Variants in SEPTIN11 observed in about 807,000 individuals in gnomAD.
SEPTIN11 encodes the protein septin 11, also known as septin-11.
SEPTIN11 carries 25 observed loss-of-function variants against 51.4 expected under a neutral mutation model. That is an observed-to-expected ratio of 0.49 (90% CI 0.35 to 0.68). The LOEUF (loss-of-function observed/expected upper bound fraction) is 0.68. Among genes scored for constraint, SEPTIN11 ranks in the 30% least tolerant of loss-of-function variants. The pLI is 0.00. For synonymous variants in SEPTIN11, 174 were observed against 184.1 expected, an observed-to-expected ratio of 0.95 and a Z score of 0.44; for missense variants, 381 against 520.8, an observed-to-expected ratio of 0.73 and a Z score of 2.61.
intron 1 of SEPTIN11, among the ~76,000 whole-genome samples, chr4:76,953,758 C>T (rs970799914): frequency 2.0e-5 from 3 of 152,220 alleles, no homozygotes; most frequent in African/African-American, 7.2e-5. Context: ...AATAATCTCT[C>T]CTTTTAAAAT....
intron 1 of SEPTIN11, among the ~76,000 whole-genome samples, chr4:76,957,122 A>G (rs1721598135): frequency 6.6e-6 from 1 of 152,032 alleles, no homozygotes; most frequent in Non-Finnish European, 1.5e-5. Flanking sequence ...CAAGTAAGTC[A>G]TGGGTGGTAA....
chr4:76,995,861 C>A (rs1460874056), intron 1 of SEPTIN11: 1 of 1,535,570 alleles, frequency 6.5e-7, no homozygotes, highest in East Asian at 2.4e-5. Flanking sequence ...GGGAAGAAGA[C>A]TCAAGAAACC....
intron 3 of SEPTIN11, among the ~76,000 whole-genome samples, chr4:77,010,383 T>C (rs1180698900): frequency 1.3e-5 from 2 of 152,130 alleles, no homozygotes; most frequent in African/African-American, 4.8e-5. Flanking sequence ...AAGAATCTTA[T>C]TGCTCATTCA....
chr4:77,036,039 G>GC lies in SEPTIN11; in HGVS notation c.*1528dup. On this transcript the variant is annotated 3_prime_UTR_variant, in exon 10 of 10. Coordinates refer to ENST00000264893, the MANE Select transcript of SEPTIN11 (RefSeq NM_018243.4). ...GACACACACTTTCTTTTTTGAATGA[G>GC]CAAGTCTCCATTTTGATTTCAGCAA... The GC allele has an allele frequency of 1.0e-6, 1 of 985,878 alleles. No homozygotes were observed. Among genetic ancestry groups the GC allele is most frequent in the Non-Finnish European group, 1.2e-6 (1 of 829,972 alleles). 61.1% of individuals were successfully genotyped at this position (985,878 alleles called of 1,614,324 possible).
intron 2 of SEPTIN11, among the ~76,000 whole-genome samples, chr4:77,000,646 T>C (rs1287636483): frequency 6.6e-6 from 1 of 152,178 alleles, no homozygotes; most frequent in Non-Finnish European, 1.5e-5. Context: ...AAAAACAAAA[T>C]GATTGCTCCA....
In SEPTIN11 at chr4:77,024,290, A is replaced by G. The variant is rs538290021; in HGVS notation, c.953+3620A>G. 9.2e-5 allele frequency among the ~76,000 whole-genome samples: 14 copies of G among 152,122 alleles called. No homozygotes were observed. The highest frequency in any genetic ancestry group is 7.4e-5 in the Non-Finnish European group (5 of 67,988). Reference sequence around the variant, plus strand: ...TTTATTGTCTTGTGGCAGAATATGTATATAACCAGACATTCATCTGCTCTT... The same window carrying G: ...TTTATTGTCTTGTGGCAGAATATGTGTATAACCAGACATTCATCTGCTCTT... On this transcript the variant is annotated intron_variant, in intron 7 of 9. Transcript: ENST00000264893. The surrounding 1 kb of genome is among the most constrained non-coding windows in gnomAD (Gnocchi z 4.2).
chr4:77,006,770 CAT>C (rs1298635664), intron 3 of SEPTIN11, among the ~76,000 whole-genome samples: 3 of 152,086 alleles, frequency 2.0e-5, no homozygotes, highest in Admixed American at 2.0e-4. Context: ...ATATTATACA[CAT>C]GTGTTTTGTA....
At chr4:76,990,450 C>G (rs1203837042) in intron 1 of SEPTIN11, among the ~76,000 whole-genome samples, 1 of 152,170 alleles carries the variant, frequency 6.6e-6, no homozygotes, top group Non-Finnish European at 1.5e-5. Flanking sequence ...CCAACTGAGA[C>G]CAGTCCGTGG....
intron 3 of SEPTIN11, among the ~76,000 whole-genome samples, chr4:77,008,083 TAGA>T (rs1724614821): frequency 6.6e-6 from 1 of 152,240 alleles, no homozygotes; most frequent in Admixed American, 6.5e-5. Context: ...CCAGGCTAGC[TAGA>T]AGGAGGCAGG....
chr4:77,039,103 A>G (rs765630549), downstream of SEPTIN11: 27 of 1,289,294 alleles, frequency 2.1e-5, no homozygotes, highest in South Asian at 3.3e-4. Context: ...CCTGTTGACA[A>G]GCCCTACTCT....
chr4:77,028,170 T>C (rs1365850326), intron 7 of SEPTIN11, among the ~76,000 whole-genome samples: 2 of 152,166 alleles, frequency 1.3e-5, no homozygotes, highest in African/African-American at 2.4e-5. Context: ...TGTCACTGTA[T>C]CCACGTCTTA....
chr4:77,020,743 G>A (rs1725662667), intron 7 of SEPTIN11, 73 bp downstream of exon 7: 13 of 1,410,988 alleles, frequency 9.2e-6, no homozygotes, highest in Admixed American at 2.0e-5. Context: ...TCACAGAAAT[G>A]CTTGCTGGAT....
chr4:76,955,397 G>A (rs1247680452), intron 1 of SEPTIN11, among the ~76,000 whole-genome samples: 3 of 152,166 alleles, frequency 2.0e-5, no homozygotes, highest in Admixed American at 1.3e-4. Flanking sequence ...AACAGCATGT[G>A]CCAAGCTCTG....
chr4:77,030,994 A>G (rs1726585517), intron 9 of SEPTIN11, 24 bp downstream of exon 9: 2 of 1,578,380 alleles, frequency 1.3e-6, no homozygotes, highest in East Asian at 2.2e-5. Flanking sequence ...ACCCCCCTGT[A>G]TCGGGGACCT....
chr4:76,995,336 C>T (rs1360171495), intron 1 of SEPTIN11, among the ~76,000 whole-genome samples: 1 of 151,884 alleles, frequency 6.6e-6, no homozygotes. Flanking sequence ...GAGCTGAGAT[C>T]GTGCCACTAC....
In SEPTIN11 at chr4:77,014,786, C is replaced by T. The variant is rs141833000; in HGVS notation, c.526-70C>T. On this transcript the variant is annotated intron_variant, in intron 4 of 9. Transcript: ENST00000264893. Reference sequence around the variant, plus strand: ...AGGTTTTGCAATTTTTATTTGTTTGCTATGTTTTATTCACTTGTCTATTTT... The same window carrying T: ...AGGTTTTGCAATTTTTATTTGTTTGTTATGTTTTATTCACTTGTCTATTTT... The T allele has an allele frequency of 5.0e-4, 737 of 1,478,196 alleles. 6 individuals are homozygous for T. The African/African-American group carries it at 9.2e-3, about 18-fold the overall frequency. The allele number at this position is 1,478,196 out of a possible 1,614,324, so 91.6% of individuals were successfully genotyped here.
intron 1 of SEPTIN11, among the ~76,000 whole-genome samples, chr4:76,965,178 T>G (rs1721982243): frequency 6.6e-6 from 1 of 152,082 alleles, no homozygotes. Context: ...AGGCCACACA[T>G]GGTGGCTCAC....
At chr4:77,028,987 T>C (rs1478272608) in intron 8 of SEPTIN11, among the ~76,000 whole-genome samples, 5 of 152,226 alleles carry the variant, frequency 3.3e-5, no homozygotes, top group African/African-American at 4.8e-5. Context: ...ACATACCTAG[T>C]TAGCAGCAAA....
intron 1 of SEPTIN11, among the ~76,000 whole-genome samples, chr4:76,973,331 T>TTC (rs1357730221): frequency 6.6e-5 from 10 of 152,312 alleles, no homozygotes; most frequent in Admixed American, 4.6e-4. Flanking sequence ...ATCCCTTCAG[T>TTC]CAGTCAGGTC....
Sources: allele counts gnomAD v4.1 joint callset (sites outside exome capture counted in the v4.1 genomes callset), GRCh38; gene constraint gnomAD v4.1.1; non-coding constraint Gnocchi (gnomAD v3.1); transcripts MANE v1.5; gene names NCBI Gene and HGNC (gene_info 2026-07-23, HGNC 2026-07-21).